TXLNB: variants seen among roughly 807,000 people sequenced by gnomAD.
TXLNB encodes the protein taxilin beta.
Under a neutral mutation model 57.4 loss-of-function variants are expected in TXLNB, and 37 were observed. The observed-to-expected ratio is 0.64, with a 90% CI of 0.50 to 0.85. The LOEUF is 0.85. Among genes scored for constraint, TXLNB ranks in the 40% least tolerant of loss-of-function variants. The pLI is 0.00. For synonymous variants in TXLNB, 302 were observed against 309.6 expected, an observed-to-expected ratio of 0.98 and a Z score of 0.26; for missense variants, 848 against 825.6, an observed-to-expected ratio of 1.03 and a Z score of -0.33.
At chr6:139,252,582 A>G (rs1045945417) in intron 7 of TXLNB, among the ~76,000 whole-genome samples, 4 of 152,222 alleles carry the variant, frequency 2.6e-5, no homozygotes, top group Non-Finnish European at 5.9e-5. Flanking sequence ...GGCGGGGTCA[A>G]CTTAGCTTAG....
chr6:139,200,119 G>A, the TXLNB span: 40 of 152,280 alleles, frequency 2.6e-4, no homozygotes, highest in African/African-American at 9.6e-4. Context: ...CTTAGCTGAG[G>A]ACTCCCCTGC....
the TXLNB span, among the ~76,000 whole-genome samples, chr6:139,223,929 A>T: frequency 3.1e-3 from 467 of 150,520 alleles, 2 homozygotes; most frequent in African/African-American, 0.011. Context: ...CATTTGACCC[A>T]GCCATCCCAT....
chr6:139,242,800 G>A lies in TXLNB; in HGVS notation c.1781C>T (p.Pro594Leu), dbSNP rs142843391. 9.4e-3 allele frequency: 15,204 copies of A among 1,614,152 alleles called. 102 individuals carry two copies. The highest frequency in any genetic ancestry group is 0.02 in the Middle Eastern group (120 of 6,060). Residue 594 changes from proline (P) to leucine (L), a missense_variant, in exon 10 of 10, where the codon CCT becomes CTT. Pro to Leu is a moderately conservative substitution (Grantham distance 98, BLOSUM62 -3). Coordinates refer to ENST00000358430, the MANE Select transcript of TXLNB (RefSeq NM_153235.4). ...LGAETQCEGL[P>L]VGAQADQASW... ...CGCCTGATCAGCCTGTGCTCCAACAGGGAGACCCTCGCATTGGGTTTCTGC... is the reference window on the plus strand; with the variant it reads ...CGCCTGATCAGCCTGTGCTCCAACAAGGAGACCCTCGCATTGGGTTTCTGC...
At chr6:139,249,159 A>C (rs6912831) in intron 7 of TXLNB, among the ~76,000 whole-genome samples, 74,144 of 152,150 alleles carry the variant, frequency 0.49, 21,725 homozygotes, top group African/African-American at 0.83. Flanking sequence ...TCCTTAATTC[A>C]AGTGCTTGCA....
chr6:139,195,993 T>C, the TXLNB span, among the ~76,000 whole-genome samples: 1 of 152,116 alleles, frequency 6.6e-6, no homozygotes, highest in African/African-American at 2.4e-5. Context: ...AAATTGCTGA[T>C]GGTCCCTAAC....
chr6:139,165,438 G>A, the TXLNB span, among the ~76,000 whole-genome samples: 4 of 151,954 alleles, frequency 2.6e-5, no homozygotes, highest in African/African-American at 9.7e-5. Flanking sequence ...TTGACATTAG[G>A]GTTCCCTTTT....
intron 9 of TXLNB, 113 bp from the exon 10 acceptor site, chr6:139,243,427 C>A: frequency 8.5e-7 from 1 of 1,171,262 alleles, no homozygotes; most frequent in Non-Finnish European, 1.2e-6. Flanking sequence ...AATTTGTCTA[C>A]TAGGCTCTGG....
chr6:139,316,019 T>A, the TXLNB span, among the ~76,000 whole-genome samples: 1 of 152,096 alleles, frequency 6.6e-6, no homozygotes, highest in African/African-American at 2.4e-5. Context: ...ATAGTAAAAC[T>A]TCATTAAGTT....
At chr6:139,281,571 C>T (rs1296426682) in intron 2 of TXLNB, among the ~76,000 whole-genome samples, 1 of 64,136 alleles carries the variant, frequency 1.6e-5, no homozygotes, top group Non-Finnish European at 2.3e-5. Flanking sequence ...TTTTTTGAGA[C>T]GGAGTCTCGC....
the TXLNB span, among the ~76,000 whole-genome samples, chr6:139,301,737 T>G: frequency 6.6e-6 from 1 of 152,208 alleles, no homozygotes; most frequent in Admixed American, 6.5e-5. Context: ...CTGCCTGACC[T>G]TTACTTTCAC....
the TXLNB span, among the ~76,000 whole-genome samples, chr6:139,233,444 T>A: frequency 1.4e-5 from 2 of 144,626 alleles, no homozygotes; most frequent in African/African-American, 5.3e-5. Flanking sequence ...GATAGATAGA[T>A]AGATATTTTT....
the TXLNB span, among the ~76,000 whole-genome samples, chr6:139,219,613 T>C: frequency 6.6e-6 from 1 of 152,200 alleles, no homozygotes; most frequent in Non-Finnish European, 1.5e-5. Context: ...GCGAAGCCAC[T>C]GGGCTAAAAT....
chr6:139,160,571 G>A, the TXLNB span, among the ~76,000 whole-genome samples: 1 of 152,072 alleles, frequency 6.6e-6, no homozygotes, highest in South Asian at 2.1e-4. Flanking sequence ...ATGCCACTGA[G>A]CCCAACTAAT....
chr6:139,290,517 A>G (rs191559821), intron 1 of TXLNB, among the ~76,000 whole-genome samples: 92 of 152,320 alleles, frequency 6.0e-4, no homozygotes, highest in Non-Finnish European at 1.2e-3. Flanking sequence ...CTAAGTCAGG[A>G]AGCTCTAGAA....
At chr6:139,221,329 A>T in the TXLNB span, among the ~76,000 whole-genome samples, 1 of 79,550 alleles carries the variant, frequency 1.3e-5, no homozygotes, top group South Asian at 4.9e-4. Context: ...AAGTTCCCTA[A>T]AAAGTCTGAA....
chr6:139,216,935 G>C, the TXLNB span, among the ~76,000 whole-genome samples: 1 of 152,116 alleles, frequency 6.6e-6, no homozygotes, highest in Non-Finnish European at 1.5e-5. Context: ...GGGTGTACCT[G>C]ATGCACCAAA....
At chr6:139,166,056 G>A in the TXLNB span, 3,075 of 465,954 alleles carry the variant, frequency 6.6e-3, 29 homozygotes, top group Middle Eastern at 0.022. Context: ...AGCTCAGGAT[G>A]AAGGGCGTTG....
chr6:139,230,483 C>T, the TXLNB span, among the ~76,000 whole-genome samples: 4 of 152,184 alleles, frequency 2.6e-5, no homozygotes, highest in African/African-American at 4.8e-5. Flanking sequence ...CCTCCAAGGA[C>T]GTCACCCTAG....
At chr6:139,237,001 T>C (rs1037359662), downstream of TXLNB, among the ~76,000 whole-genome samples, 2 of 152,116 alleles carry the variant, frequency 1.3e-5, no homozygotes, top group African/African-American at 4.8e-5. Flanking sequence ...GTTGGAGCTG[T>C]GGTGTTAAAG....
Sources: gnomAD v4.1 joint callset for allele counts (sites outside exome capture counted in the v4.1 genomes callset) on GRCh38, gnomAD v4.1.1 for gene constraint, MANE v1.5 for transcripts, NCBI Gene and HGNC (gene_info 2026-07-23, HGNC 2026-07-21) for gene names.